The following TRPC4 variants were observed in gnomAD, a reference collection of about 807,000 sequenced individuals.
TRPC4 encodes short transient receptor potential channel 4.
TRPC4 carries 49 observed loss-of-function variants against 99.4 expected under a neutral mutation model. The observed-to-expected ratio is 0.49, with a 90% confidence interval of 0.39 to 0.63. TRPC4 has a LOEUF of 0.63. TRPC4 is among the 20% of genes least tolerant of loss of function. The pLI, the probability that TRPC4 is intolerant of heterozygous loss-of-function variation, is 0.00. For missense variants in TRPC4, 898 were observed against 1,152.9 expected (o/e 0.78, Z 3.20); for synonymous variants, 454 against 425.9 (o/e 1.07, Z -0.81).
intron 1 of TRPC4, among the ~76,000 whole-genome samples, chr13:37,862,511 T>A (rs10507459): frequency 0.09 from 13,637 of 151,610 alleles, 821 homozygotes; most frequent in Non-Finnish European, 0.13. Flanking sequence ...TTTAGATTGA[T>A]TCCACCATGG....
chr13:37,781,592 G>A (rs559991476), intron 2 of TRPC4, among the ~76,000 whole-genome samples: 5 of 152,166 alleles, frequency 3.3e-5, no homozygotes, highest in Non-Finnish European at 4.4e-5. Context: ...GCTTGTTCAC[G>A]TTTGAAAGAA....
chr13:37,729,240 T>C (rs576297312), intron 3 of TRPC4, among the ~76,000 whole-genome samples: 4 of 152,004 alleles, frequency 2.6e-5, no homozygotes, highest in African/African-American at 7.2e-5. Context: ...CTCGACATCA[T>C]TGCTCATGAG....
intron 3 of TRPC4, among the ~76,000 whole-genome samples, chr13:37,728,796 G>C (rs941154878): frequency 1.3e-5 from 2 of 152,032 alleles, no homozygotes; most frequent in African/African-American, 4.8e-5. Context: ...CTAAGTTACT[G>C]TAATGAAAAC....
intron 3 of TRPC4, among the ~76,000 whole-genome samples, chr13:37,712,350 C>T (rs2138991046): frequency 6.6e-6 from 1 of 152,278 alleles, no homozygotes; most frequent in South Asian, 2.1e-4. Context: ...AAAGAAGATT[C>T]AATAACGGAG....
intron 3 of TRPC4, among the ~76,000 whole-genome samples, chr13:37,714,813 C>T (rs1954607603): frequency 6.6e-6 from 1 of 151,962 alleles, no homozygotes; most frequent in Non-Finnish European, 1.5e-5. Context: ...CTCCATATAT[C>T]CTTCTTCATA....
chr13:37,783,458 C>T (rs1282217982), intron 1 of TRPC4, 98 bp from the exon 2 acceptor site: 2 of 934,524 alleles, frequency 2.1e-6, no homozygotes, highest in African/African-American at 1.6e-5. Context: ...TCAATAACAA[C>T]AATACCATTA....
intron 1 of TRPC4, among the ~76,000 whole-genome samples, chr13:37,785,704 T>C (rs1956953302): frequency 6.6e-6 from 1 of 152,094 alleles, no homozygotes. Flanking sequence ...TTTTATTTTT[T>C]CATTTAGTTA....
intron 1 of TRPC4, among the ~76,000 whole-genome samples, chr13:37,867,900 T>TTC (rs1959872968): frequency 6.6e-6 from 1 of 152,162 alleles, no homozygotes; most frequent in Non-Finnish European, 1.5e-5. Flanking sequence ...ATGGCTGTAG[T>TTC]TCTCCATGGA....
intron 1 of TRPC4, among the ~76,000 whole-genome samples, chr13:37,863,576 T>A (rs543797331): frequency 6.6e-6 from 1 of 151,728 alleles, no homozygotes; most frequent in African/African-American, 2.4e-5. Flanking sequence ...TCATTTAAAG[T>A]GTGACCTCAG....
At chr13:37,853,081 C>T (rs929317821) in intron 1 of TRPC4, among the ~76,000 whole-genome samples, 19 of 151,820 alleles carry the variant, frequency 1.3e-4, no homozygotes, top group African/African-American at 4.1e-4. Context: ...CTGCCGATTG[C>T]GGAGGCCTAG....
At chr13:37,806,032 G>A (rs754752465) in intron 1 of TRPC4, among the ~76,000 whole-genome samples, 12 of 151,972 alleles carry the variant, frequency 7.9e-5, no homozygotes, top group Non-Finnish European at 1.6e-4. Context: ...AGAAAGAGGA[G>A]TAAGTTCATA....
At chr13:37,815,164 G>A (rs1957814287) in intron 1 of TRPC4, among the ~76,000 whole-genome samples, 1 of 151,484 alleles carries the variant, frequency 6.6e-6, no homozygotes, top group Admixed American at 6.6e-5. Flanking sequence ...CATACAATAT[G>A]GAAAATTCAA....
At chr13:37,765,158 TTTACTATAAAGATTGTTAATA>T (rs1279113310) in intron 2 of TRPC4, among the ~76,000 whole-genome samples, 2 of 151,488 alleles carry the variant, frequency 1.3e-5, no homozygotes, top group East Asian at 3.9e-4. Context: ...TGTGTGGAGT[TTTACTATAAAGATTGTTAATA>T]TTACTTTCAT....
At chr13:37,754,397 A>G (rs1001891864) in intron 2 of TRPC4, among the ~76,000 whole-genome samples, 45 of 152,244 alleles carry the variant, frequency 3.0e-4, no homozygotes, top group African/African-American at 9.9e-4. Context: ...TCCATCTAGC[A>G]TATTTAAGGA....
chr13:37,797,442 T>C (rs1263609638), intron 1 of TRPC4, among the ~76,000 whole-genome samples: 1 of 152,150 alleles, frequency 6.6e-6, no homozygotes, highest in Non-Finnish European at 1.5e-5. Context: ...TTGTTCTACA[T>C]GACGATTCTC....
At chr13:37,803,012 CTT>C (rs1379291675) in intron 1 of TRPC4, among the ~76,000 whole-genome samples, 8 of 151,638 alleles carry the variant, frequency 5.3e-5, no homozygotes, top group South Asian at 2.1e-4. Context: ...TCATTATGGA[CTT>C]ATATATATTT....
intron 3 of TRPC4, among the ~76,000 whole-genome samples, chr13:37,735,189 A>G (rs77401072): frequency 0.022 from 3,329 of 152,206 alleles, 51 homozygotes; most frequent in African/African-American, 0.047. Flanking sequence ...AATTATGACT[A>G]TGTCTAACAG....
intron 3 of TRPC4, among the ~76,000 whole-genome samples, chr13:37,738,481 T>G (rs2139119946): frequency 6.6e-6 from 1 of 152,300 alleles, no homozygotes; most frequent in East Asian, 1.9e-4. Context: ...TTTTAAGTAG[T>G]GCTCAGCCTT....
intron 2 of TRPC4, among the ~76,000 whole-genome samples, chr13:37,770,173 A>C (rs1245313440): frequency 1.3e-5 from 2 of 151,494 alleles, no homozygotes; most frequent in Non-Finnish European, 3.0e-5. Context: ...GACAAATATG[A>C]CTGAAAATTT....
Sources: allele counts gnomAD v4.1 joint callset (sites outside exome capture counted in the v4.1 genomes callset), GRCh38; gene constraint gnomAD v4.1.1; transcripts MANE v1.5; gene names NCBI Gene and HGNC (gene_info 2026-07-23, HGNC 2026-07-21).